LRRC7: variants seen among roughly 807,000 people sequenced by gnomAD.
LRRC7 encodes the protein leucine-rich repeat-containing protein 7.
LRRC7 carries 23 observed loss-of-function variants against 175.7 expected under a neutral mutation model. The observed-to-expected ratio is 0.13, with a 90% CI of 0.09 to 0.19. The LOEUF (loss-of-function observed/expected upper bound fraction) is 0.19. Among genes scored for constraint, LRRC7 ranks in the 10% least tolerant of loss-of-function variants. The probability of loss-of-function intolerance (pLI) is 1.00; values close to 1 mark genes in which losing one functional copy is unlikely to be tolerated. For synonymous variants in LRRC7, 685 were observed against 680.9 expected, an observed-to-expected ratio of 1.01 and a Z score of -0.09; for missense variants, 1,354 against 1,904.7, an observed-to-expected ratio of 0.71 and a Z score of 5.38.
chr1:69,972,809 A>G (rs935002547), intron 8 of LRRC7, among the ~76,000 whole-genome samples: 3 of 151,828 alleles, frequency 2.0e-5, no homozygotes, highest in Non-Finnish European at 1.5e-5. Flanking sequence ...TGAAAAAGAT[A>G]CTTGCACACG....
At chr1:69,809,837 A>C (rs1465867444) in intron 4 of LRRC7, among the ~76,000 whole-genome samples, 1 of 151,206 alleles carries the variant, frequency 6.6e-6, no homozygotes, top group Admixed American at 6.6e-5. Context: ...CAAAAACTGG[A>C]AGCATTCCCT....
intron 8 of LRRC7, among the ~76,000 whole-genome samples, chr1:69,947,173 A>G (rs1191891698): frequency 3.9e-5 from 6 of 152,016 alleles, no homozygotes; most frequent in Non-Finnish European, 7.4e-5. Context: ...TCTCTTGTAG[A>G]CAGCTTATAG....
At position 69,603,433 on chromosome 1, in the gene LRRC7, T is replaced by TG. The variant is rs1224540852; in HGVS notation, c.2+34793dup. 3.3e-5 allele frequency among the ~76,000 whole-genome samples: 5 copies of TG among 152,222 alleles called. No individual in the cohort carries two copies. In the East Asian group the frequency reaches 7.7e-4, roughly 23 times the overall value. On this transcript the variant is annotated intron_variant, in intron 1 of 26. Coordinates refer to ENST00000651989, the MANE Select transcript of LRRC7 (RefSeq NM_001370785.2). ...GCATCTTAGGAAAACAGTTTAAGTA[T>TG]GAAGTATTTTGCAAATAATTTAGTA...
At chr1:70,000,088 A>G (rs1219140445) in intron 11 of LRRC7, among the ~76,000 whole-genome samples, 3 of 152,164 alleles carry the variant, frequency 2.0e-5, no homozygotes. Context: ...GATCTTTGCT[A>G]TAGGGCTTTC....
rs1359605732 is a variant in LRRC7 at position 70,131,581 on chromosome 1, AT to A, written c.*9697del. On this transcript the variant is annotated 3_prime_UTR_variant, in exon 27 of 27. Coordinates refer to ENST00000651989, the MANE Select transcript of LRRC7 (RefSeq NM_001370785.2). Reference sequence around the variant, plus strand: ...ACTCTTATTCTACCTCTGCTTTTTAATTTCTTTGTATAAAGAGAACTTGATA... The same window carrying A: ...ACTCTTATTCTACCTCTGCTTTTTAATTCTTTGTATAAAGAGAACTTGATA... 6.6e-6 allele frequency among the ~76,000 whole-genome samples: 1 copy of A among 152,164 alleles called. No homozygotes were observed. Among genetic ancestry groups the A allele is most frequent in the Non-Finnish European group, 1.5e-5 (1 of 68,022 alleles).
chr1:69,985,729 C>T (rs557472329), intron 9 of LRRC7, among the ~76,000 whole-genome samples: 29 of 152,326 alleles, frequency 1.9e-4, no homozygotes, highest in Admixed American at 9.2e-4. Flanking sequence ...TGGAATCATA[C>T]AATGTGTGGT....
chr1:69,637,177 G>A (rs1046283933), intron 1 of LRRC7, among the ~76,000 whole-genome samples: 16 of 151,686 alleles, frequency 1.1e-4, no homozygotes, highest in Middle Eastern at 3.4e-3. Flanking sequence ...GGGGATTTAG[G>A]GTGGCATTTG....
Position 69,997,441 on chromosome 1 carries a change from A to C in LRRC7, c.1004+2808A>C, listed in dbSNP as rs552226966. On this transcript the variant is annotated intron_variant, in intron 11 of 26. Coordinates refer to ENST00000651989, the MANE Select transcript of LRRC7 (RefSeq NM_001370785.2). ...GGCCAGAACTTCCAACACTATGTTGAATAGGAGTGGTGAGAGAGGGCATCC... is the reference window on the plus strand; with the variant it reads ...GGCCAGAACTTCCAACACTATGTTGCATAGGAGTGGTGAGAGAGGGCATCC... Among the ~76,000 whole-genome samples the C allele has an allele frequency of 6.0e-5, 9 of 150,584 alleles. No individual in the cohort carries two copies. In the East Asian group the frequency reaches 1.8e-3, roughly 29 times the overall value.
At position 70,122,413 on chromosome 1, in the gene LRRC7, TTAAAA is replaced by T. The variant is rs1240167911; in HGVS notation, c.*530_*534del. 6.6e-6 allele frequency: 1 copy of T among 152,184 alleles called. No individual in the cohort carries two copies. The highest frequency in any genetic ancestry group is 2.4e-5 in the African/African-American group (1 of 41,452). 9.4% of individuals were successfully genotyped at this position (152,184 alleles called of 1,614,324 possible). ...ATCTCAGATAGAGAAAAAATATATCTTAAAATAAGACTTTACTATATTGAATCTTT... is the reference window on the plus strand; with the variant it reads ...ATCTCAGATAGAGAAAAAATATATCTTAAGACTTTACTATATTGAATCTTT... On this transcript the variant is annotated 3_prime_UTR_variant, in exon 27 of 27. Transcript: ENST00000651989.
intron 10 of LRRC7, among the ~76,000 whole-genome samples, chr1:69,988,872 G>A (rs979752664): frequency 6.6e-6 from 1 of 152,142 alleles, no homozygotes; most frequent in Non-Finnish European, 1.5e-5. Context: ...AGTGAGCATA[G>A]TGAAGGGGGA....
intron 1 of LRRC7, among the ~76,000 whole-genome samples, chr1:69,592,145 C>T (rs1007297163): frequency 1.3e-5 from 2 of 151,954 alleles, no homozygotes; most frequent in Admixed American, 6.6e-5. Flanking sequence ...CTAACTCTCT[C>T]GTTTTATCTT....
chr1:69,776,532 G>A (rs543421789), intron 3 of LRRC7, among the ~76,000 whole-genome samples: 1 of 152,246 alleles, frequency 6.6e-6, no homozygotes, highest in Admixed American at 6.5e-5. Context: ...TCTATGCATA[G>A]AGGCAATTTG....
chr1:69,803,459 C>T (rs1676757024), intron 4 of LRRC7, among the ~76,000 whole-genome samples: 1 of 151,324 alleles, frequency 6.6e-6, no homozygotes, highest in Non-Finnish European at 1.5e-5. Flanking sequence ...AGAATATGTA[C>T]ACATTTTGTT....
At chr1:70,090,518 T>G (rs1663949880) in intron 25 of LRRC7, among the ~76,000 whole-genome samples, 1 of 152,048 alleles carries the variant, frequency 6.6e-6, no homozygotes, top group Non-Finnish European at 1.5e-5. Context: ...ATTTTTTATT[T>G]TTTAAATGTT....
At chr1:69,851,549 A>C (rs1682984613) in intron 7 of LRRC7, among the ~76,000 whole-genome samples, 1 of 152,162 alleles carries the variant, frequency 6.6e-6, no homozygotes, top group Non-Finnish European at 1.5e-5. Flanking sequence ...GGACTCTTCT[A>C]ACATGGAAAC....
chr1:69,776,911 T>C (rs1672875401), intron 3 of LRRC7, among the ~76,000 whole-genome samples: 1 of 152,068 alleles, frequency 6.6e-6, no homozygotes, highest in Non-Finnish European at 1.5e-5. Flanking sequence ...AAATTTTAAG[T>C]GGATGAATTA....
intron 25 of LRRC7, among the ~76,000 whole-genome samples, chr1:70,095,973 T>G (rs1343353330): frequency 2.6e-5 from 4 of 151,812 alleles, no homozygotes; most frequent in African/African-American, 7.3e-5. Flanking sequence ...TTTTTTTTGT[T>G]TTTTTTTGTT....
intron 7 of LRRC7, among the ~76,000 whole-genome samples, chr1:69,901,375 ATAG>A (rs1291328052): frequency 6.6e-6 from 1 of 152,230 alleles, no homozygotes; most frequent in East Asian, 1.9e-4. Context: ...TACTGGGAGC[ATAG>A]TAGTAATACT....
chr1:70,008,248 G>A (rs1656168663), intron 11 of LRRC7, among the ~76,000 whole-genome samples: 1 of 152,130 alleles, frequency 6.6e-6, no homozygotes, highest in African/African-American at 2.4e-5. Flanking sequence ...ACATTCACTG[G>A]AAGCTGATTA....
Sources: gnomAD v4.1 joint callset for allele counts (sites outside exome capture counted in the v4.1 genomes callset) on GRCh38, gnomAD v4.1.1 for gene constraint, MANE v1.5 for transcripts, NCBI Gene and HGNC (gene_info 2026-07-23, HGNC 2026-07-21) for gene names.